Variants in SKI observed in about 807,000 individuals in gnomAD.
SKI encodes the protein SKI proto-oncogene.
In SKI, 23 loss-of-function variants were observed where a neutral mutation model predicts 59.3. The observed-to-expected ratio is 0.39, with a 90% CI of 0.28 to 0.55. SKI has a LOEUF of 0.55. Among genes scored for constraint, SKI ranks in the 20% least tolerant of loss-of-function variants. SKI has a pLI of 0.67. For synonymous variants in SKI, 673 were observed against 488.6 expected (o/e 1.38, Z -4.98); for missense variants, 1,017 against 1,038.9 (o/e 0.98, Z 0.29).
chr1:2,253,337 A>C, intron 1 of SKI, among the ~76,000 whole-genome samples: 1 of 152,206 alleles, frequency 6.6e-6, no homozygotes, highest in Non-Finnish European at 1.5e-5. Flanking sequence ...CACGGGCTCC[A>C]GCACAGCGGG....
At chr1:2,255,015 C>T (rs1047435544) in intron 1 of SKI, among the ~76,000 whole-genome samples, 4 of 152,174 alleles carry the variant, frequency 2.6e-5, no homozygotes, top group African/African-American at 7.2e-5. Flanking sequence ...TGGACTGGCA[C>T]CACACCCCAC....
intron 6 of SKI, among the ~76,000 whole-genome samples, 161 bp from the exon 7 acceptor site, chr1:2,306,416 C>T (rs1291086738): frequency 6.6e-6 from 1 of 152,188 alleles, no homozygotes; most frequent in East Asian, 1.9e-4. Flanking sequence ...GGTTGCTGGG[C>T]CCTGCGTCTC....
intron 1 of SKI, among the ~76,000 whole-genome samples, chr1:2,264,669 A>G (rs556862273): frequency 2.3e-4 from 35 of 152,138 alleles, no homozygotes; most frequent in African/African-American, 7.7e-4. Flanking sequence ...CATAGTGCTG[A>G]GATTACACAG....
At chr1:2,238,525 T>C (rs1270614689) in intron 1 of SKI, among the ~76,000 whole-genome samples, 1 of 152,194 alleles carries the variant, frequency 6.6e-6, no homozygotes, top group African/African-American at 2.4e-5. Context: ...GCCTTGAGAC[T>C]TCCCTCTGCA....
chr1:2,295,932 C>T lies in SKI; in HGVS notation c.970-7046C>T, dbSNP rs539669585. 4.6e-5 allele frequency among the ~76,000 whole-genome samples: 7 copies of T among 152,284 alleles called. No homozygotes were observed. In the East Asian group the frequency reaches 5.8e-4, roughly 13 times the overall value. On this transcript the variant is annotated intron_variant, in intron 1 of 6. Transcript: ENST00000378536. Reference sequence around the variant, plus strand: ...GTGGATGTGTGTTTTCAGTAACCTGCGTGTACGCCGAGGACTGGAATTGCT... The same window carrying T: ...GTGGATGTGTGTTTTCAGTAACCTGTGTGTACGCCGAGGACTGGAATTGCT...
chr1:2,304,729 G>T, intron 5 of SKI, 144 bp downstream of exon 5: 1 of 1,359,894 alleles, frequency 7.4e-7, no homozygotes, highest in Non-Finnish European at 9.7e-7. Context: ...GGGCCTGCCT[G>T]GGACCTTGGG....
chr1:2,287,459 C>T (rs1640064141), intron 1 of SKI, among the ~76,000 whole-genome samples: 1 of 151,812 alleles, frequency 6.6e-6, no homozygotes, highest in Admixed American at 6.6e-5. Context: ...GCCTCAGCCT[C>T]CCGAGTAGCT....
In SKI at chr1:2,309,635, A is replaced by AC. The variant is rs1405095718; in HGVS notation, c.*2875dup. 1 of 143,110 alleles carries AC rather than the reference A, an allele frequency of 7.0e-6. No individual in the cohort carries two copies. The highest frequency in any genetic ancestry group is 2.6e-5 in the African/African-American group (1 of 38,192). 8.9% of individuals were successfully genotyped at this position (143,110 alleles called of 1,614,324 possible). A position where few individuals can be genotyped will look rare whatever the true frequency, so the allele number is the denominator to read the frequency against. On this transcript the variant is annotated 3_prime_UTR_variant, in exon 7 of 7. Coordinates refer to ENST00000378536, the MANE Select transcript of SKI (RefSeq NM_003036.4). ...GAAACCCATGTGCGTTTCCCATGTG[A>AC]CCCCCTCCTCCCTGTGGGTCTGAGC...
chr1:2,297,407 G>A (rs934042898), intron 1 of SKI, among the ~76,000 whole-genome samples: 1 of 152,230 alleles, frequency 6.6e-6, no homozygotes, highest in Non-Finnish European at 1.5e-5. Flanking sequence ...GACCTCGAGT[G>A]CCCAGCCCGC....
chr1:2,255,539 CTG>C (rs1258916316), intron 1 of SKI, among the ~76,000 whole-genome samples: 3 of 151,884 alleles, frequency 2.0e-5, no homozygotes, highest in Non-Finnish European at 4.4e-5. Flanking sequence ...CATTTCCTGT[CTG>C]TGCCGCTCTG....
At chr1:2,231,243 C>T (rs1210335693) in intron 1 of SKI, among the ~76,000 whole-genome samples, 1 of 152,100 alleles carries the variant, frequency 6.6e-6, no homozygotes, top group Non-Finnish European at 1.5e-5. Context: ...ATTGTGGGCT[C>T]GTGCAGGCTG....
intron 1 of SKI, among the ~76,000 whole-genome samples, chr1:2,293,135 G>A (rs1446263018): frequency 6.6e-6 from 1 of 152,240 alleles, no homozygotes; most frequent in Non-Finnish European, 1.5e-5. Context: ...AGTAGGGCTC[G>A]GGCCTGAGCG....
intron 1 of SKI, among the ~76,000 whole-genome samples, chr1:2,251,617 G>A (rs11581132): frequency 0.067 from 10,240 of 152,210 alleles, 405 homozygotes; most frequent in Middle Eastern, 0.15. Flanking sequence ...CTGTGTAACG[G>A]TTACTGCCTC....
intron 1 of SKI, among the ~76,000 whole-genome samples, chr1:2,290,275 C>T (rs1640132773): frequency 6.6e-6 from 1 of 152,168 alleles, no homozygotes; most frequent in African/African-American, 2.4e-5. Context: ...CTCCAGGGCA[C>T]AGGCAGGGAG....
rs1254026982 is a variant in SKI at position 2,303,581 on chromosome 1, G to A, written c.1211+181G>A. 5.9e-6 allele frequency: 4 copies of A among 682,652 alleles called. No homozygotes were observed. The highest frequency in any genetic ancestry group is 1.8e-5 in the African/African-American group (1 of 55,402). The allele number at this position is 682,652 out of a possible 1,614,324, so 42.3% of individuals were successfully genotyped here. A position where few individuals can be genotyped will look rare whatever the true frequency, so the allele number is the denominator to read the frequency against. On this transcript the variant is annotated intron_variant, in intron 3 of 6. Coordinates refer to ENST00000378536, the MANE Select transcript of SKI (RefSeq NM_003036.4). This position sits in a 1 kb window ranked among gnomAD's most constrained non-coding sequence, Gnocchi z 5.6. ...GGAGAGCACACCTAGAGCGTTCCCTGTGTTCTGGGTGGAGTCGTGGGTGGA... is the reference window on the plus strand; with the variant it reads ...GGAGAGCACACCTAGAGCGTTCCCTATGTTCTGGGTGGAGTCGTGGGTGGA...
intron 1 of SKI, among the ~76,000 whole-genome samples, chr1:2,245,047 C>G (rs986677535): frequency 1.5e-4 from 23 of 152,214 alleles, no homozygotes; most frequent in Non-Finnish European, 3.1e-4. Context: ...TGTTCACCCA[C>G]CTTCCCAGGC....
intron 1 of SKI, among the ~76,000 whole-genome samples, chr1:2,300,391 C>T (rs1223859087): frequency 6.6e-6 from 1 of 151,738 alleles, no homozygotes; most frequent in Non-Finnish European, 1.5e-5. Flanking sequence ...GGTTTTGAAG[C>T]CCCAGGAAGG....
intron 6 of SKI, 146 bp downstream of exon 6, chr1:2,306,396 CA>C: frequency 2.0e-6 from 2 of 1,004,842 alleles, no homozygotes; most frequent in Non-Finnish European, 2.9e-6. Context: ...CCGACGGGCA[CA>C]GGGTGGGTGG....
At chr1:2,231,201 C>T (rs1490166221) in intron 1 of SKI, among the ~76,000 whole-genome samples, 1 of 151,620 alleles carries the variant, frequency 6.6e-6, no homozygotes, top group Non-Finnish European at 1.5e-5. Context: ...TCGTCAGTGC[C>T]TGTGGCTGGA....
Sources: allele counts gnomAD v4.1 joint callset (sites outside exome capture counted in the v4.1 genomes callset), GRCh38; gene constraint gnomAD v4.1.1; non-coding constraint Gnocchi (gnomAD v3.1); transcripts MANE v1.5; gene names NCBI Gene and HGNC (gene_info 2026-07-23, HGNC 2026-07-21).